The following PTGER4 variants were observed in gnomAD, a reference collection of about 807,000 sequenced individuals.
PTGER4 encodes the protein prostaglandin E receptor 4.
Under a neutral mutation model 33.2 loss-of-function variants are expected in PTGER4, and 11 were observed. The ratio of observed to expected loss-of-function variants is 0.33; its 90% CI spans 0.21 to 0.55. The LOEUF is 0.55. Ranked by LOEUF, PTGER4 falls within the 20% of genes least tolerant of loss-of-function variation. The probability of loss-of-function intolerance (pLI) is 0.92; values close to 1 mark genes in which losing one functional copy is unlikely to be tolerated. For synonymous variants in PTGER4, 275 were observed against 281.5 expected, an observed-to-expected ratio of 0.98 and a Z score of 0.23; for missense variants, 481 against 650.2, an observed-to-expected ratio of 0.74 and a Z score of 2.83.
intron 2 of PTGER4, among the ~76,000 whole-genome samples, chr5:40,689,697 G>A (rs1741421456): frequency 6.6e-6 from 1 of 152,130 alleles, no homozygotes; most frequent in Admixed American, 6.5e-5. Context: ...TAGTAAGGCA[G>A]CAACATCCTC....
At chr5:40,708,576 G>T in the PTGER4 span, among the ~76,000 whole-genome samples, 1 of 152,160 alleles carries the variant, frequency 6.6e-6, no homozygotes, top group Non-Finnish European at 1.5e-5. Context: ...GGACCAGATG[G>T]ATTCACAGCC....
intron 2 of PTGER4, among the ~76,000 whole-genome samples, chr5:40,690,916 T>A (rs1741451526): frequency 6.6e-6 from 1 of 152,274 alleles, no homozygotes; most frequent in Non-Finnish European, 1.5e-5. Context: ...CATTTTTGTA[T>A]ACTGTCTTTG....
At chr5:40,743,407 G>C in the PTGER4 span, among the ~76,000 whole-genome samples, 1 of 152,114 alleles carries the variant, frequency 6.6e-6, no homozygotes, top group African/African-American at 2.4e-5. Context: ...GGTAGGCAGG[G>C]ACTCAGTATT....
chr5:40,706,984 G>A, the PTGER4 span, among the ~76,000 whole-genome samples: 1 of 152,148 alleles, frequency 6.6e-6, no homozygotes. Context: ...AATGCTGAGA[G>A]GTTTTGTCAC....
chr5:40,744,475 C>T, the PTGER4 span, among the ~76,000 whole-genome samples: 19 of 139,726 alleles, frequency 1.4e-4, no homozygotes, highest in Non-Finnish European at 2.6e-4. Flanking sequence ...AATCTTATCA[C>T]CACTCTTACC....
chr5:40,681,229 C>G lies in PTGER4; in HGVS notation c.236C>G (p.Thr79Arg), dbSNP rs766143929. The stretch of plus-strand genomic sequence containing the variant: ...TTGGTGAGCCCGGTGACCATCGCCA[C>G]GTACATGAAGGGCCAATGGCCCGGG... ...TLLVSPVTIATYMKGQWPGGQ... is the reference protein window; with the variant it reads ...TLLVSPVTIARYMKGQWPGGQ... Residue 79 changes from threonine (T) to arginine (R), a missense_variant, in exon 2 of 3, where the codon ACG becomes AGG. Thr to Arg is a moderately conservative substitution (Grantham distance 71). This residue lies in a region of PTGER4 where 61 missense variants were observed against 145.2 expected (regional missense o/e 0.42). Transcript: ENST00000302472. This position sits in a 1 kb window ranked among gnomAD's most constrained non-coding sequence, Gnocchi z 9.8. 12 of 1,614,114 alleles carry G rather than the reference C, an allele frequency of 7.4e-6. No individual in the cohort carries two copies. In the Admixed American group the frequency reaches 1.7e-4, roughly 22 times the overall value.
Position 40,683,898 on chromosome 5 carries a change from T to C in PTGER4, c.867+2038T>C, listed in dbSNP as rs990267842. On this transcript the variant is annotated intron_variant, in intron 2 of 2. Transcript: ENST00000302472. The surrounding 1 kb of genome is among the most constrained non-coding windows in gnomAD (Gnocchi z 4.2). Reference sequence around the variant, plus strand: ...ATACTGTCCACCTGTATAATGTTAGTAACGTGTAGTAAATTTTAAGTAATC... The same window carrying C: ...ATACTGTCCACCTGTATAATGTTAGCAACGTGTAGTAAATTTTAAGTAATC... 3.9e-5 allele frequency among the ~76,000 whole-genome samples: 6 copies of C among 152,190 alleles called. No homozygotes were observed. Among genetic ancestry groups the C allele is most frequent in the Non-Finnish European group, 7.3e-5 (5 of 68,036 alleles).
rs1430478665 is a variant in PTGER4, at chr5:40,683,948, C to T, written c.867+2088C>T. 1.3e-5 allele frequency among the ~76,000 whole-genome samples: 2 copies of T among 152,086 alleles called. No individual in the cohort carries two copies. The highest frequency in any genetic ancestry group is 2.4e-5 in the African/African-American group (1 of 41,414). On this transcript the variant is annotated intron_variant, in intron 2 of 2. Transcript: ENST00000302472. This position sits in a 1 kb window ranked among gnomAD's most constrained non-coding sequence, Gnocchi z 4.2. ...CTTGACCTGAAAATTGAAACTAGCT[C>T]AATTAAGAAGTAATCCCATTAGTCA...
At chr5:40,682,322 T>C (rs1302258539) in intron 2 of PTGER4, among the ~76,000 whole-genome samples, 1 of 152,102 alleles carries the variant, frequency 6.6e-6, no homozygotes, top group Non-Finnish European at 1.5e-5. Flanking sequence ...GGGTTTTTGG[T>C]GTTTTGATGT....
downstream of PTGER4, among the ~76,000 whole-genome samples, chr5:40,698,319 T>C (rs1741662230): frequency 6.6e-6 from 1 of 151,840 alleles, no homozygotes; most frequent in East Asian, 1.9e-4. Context: ...TAAACATAGA[T>C]TGAAACCTAA....
rs1741525491 is a variant in PTGER4 at position 40,693,659 on chromosome 5, T to C, written c.*1281T>C. 1.0e-6 allele frequency: 1 copy of C among 981,858 alleles called. No individual in the cohort carries two copies. Among genetic ancestry groups the C allele is most frequent in the South Asian group, 4.7e-5 (1 of 21,226 alleles). 60.8% of individuals were successfully genotyped at this position (981,858 alleles called of 1,614,324 possible). A position where few individuals can be genotyped will look rare whatever the true frequency, so the allele number is the denominator to read the frequency against. On this transcript the variant is annotated 3_prime_UTR_variant, in exon 3 of 3. Transcript: ENST00000302472. The stretch of plus-strand genomic sequence containing the variant: ...CTTGGTTGTAATTAAATTCTGAGCC[T>C]GATATTGATATGGTTTTAAGAAGCA...
the PTGER4 span, among the ~76,000 whole-genome samples, chr5:40,710,026 C>G: frequency 6.6e-6 from 1 of 152,208 alleles, no homozygotes; most frequent in South Asian, 2.1e-4. Flanking sequence ...GCAAGGACTT[C>G]ATGTCTAAAA....
chr5:40,737,025 G>A, the PTGER4 span, among the ~76,000 whole-genome samples: 1 of 152,162 alleles, frequency 6.6e-6, no homozygotes, highest in Non-Finnish European at 1.5e-5. Context: ...GTTGAGCATG[G>A]TGGCTCAGGC....
chr5:40,717,928 G>A, the PTGER4 span, among the ~76,000 whole-genome samples: 1 of 152,084 alleles, frequency 6.6e-6, no homozygotes, highest in African/African-American at 2.4e-5. Context: ...CAGGTGTGGT[G>A]GTGCACGCCT....
At chr5:40,711,081 A>ATATG in the PTGER4 span, among the ~76,000 whole-genome samples, 1 of 152,028 alleles carries the variant, frequency 6.6e-6, no homozygotes, top group Non-Finnish European at 1.5e-5. Flanking sequence ...TATAATAAAA[A>ATATG]TATGTATATA....
the PTGER4 span, among the ~76,000 whole-genome samples, chr5:40,743,676 G>C: frequency 6.6e-6 from 1 of 152,146 alleles, no homozygotes; most frequent in Non-Finnish European, 1.5e-5. Flanking sequence ...GGGAGGCTGA[G>C]GCAGGGAGGA....
the PTGER4 span, among the ~76,000 whole-genome samples, chr5:40,740,626 C>T: frequency 6.6e-6 from 1 of 152,150 alleles, no homozygotes. Flanking sequence ...CATGGGACTC[C>T]AATGAGGGAC....
chr5:40,716,468 T>A, the PTGER4 span: 1 of 1,598,948 alleles, frequency 6.3e-7, no homozygotes, highest in Non-Finnish European at 8.5e-7. Flanking sequence ...ATTGGATAGA[T>A]GTGAAGGGCT....
At chr5:40,699,581 C>T in the PTGER4 span, among the ~76,000 whole-genome samples, 1 of 152,014 alleles carries the variant, frequency 6.6e-6, no homozygotes, top group African/African-American at 2.4e-5. Flanking sequence ...CCCTCATGAA[C>T]ACAGACACAA....
Sources: gnomAD v4.1 joint callset for allele counts (sites outside exome capture counted in the v4.1 genomes callset) on GRCh38, gnomAD v4.1.1 for gene constraint, gnomAD v4.1.1 regional missense constraint, Gnocchi (gnomAD v3.1) non-coding constraint, MANE v1.5 for transcripts, NCBI Gene and HGNC (gene_info 2026-07-23, HGNC 2026-07-21) for gene names.